The following SOX5 variants were observed in gnomAD, a reference collection of about 807,000 sequenced individuals.
SOX5 encodes the protein SRY-box transcription factor 5.
In SOX5, 9 loss-of-function variants were observed where a neutral mutation model predicts 92.0. That is an observed-to-expected ratio of 0.10 (90% CI 0.06 to 0.17). The LOEUF is 0.17. SOX5 is among the 10% of genes least tolerant of loss of function. SOX5 has a pLI of 1.00. For synonymous variants in SOX5, 344 were observed against 336.3 expected (o/e 1.02, Z -0.25); for missense variants, 642 against 944.5 (o/e 0.68, Z 4.20).
intron 3 of SOX5, among the ~76,000 whole-genome samples, chr12:24,276,497 C>A (rs1944448392): frequency 6.6e-6 from 1 of 152,122 alleles, no homozygotes; most frequent in South Asian, 2.1e-4. Flanking sequence ...CCCTTTCAAT[C>A]TTACTGGTGA....
chr12:24,186,956 G>A (rs997148938), intron 4 of SOX5, among the ~76,000 whole-genome samples: 4 of 151,688 alleles, frequency 2.6e-5, no homozygotes, highest in Admixed American at 2.6e-4. Context: ...AGTAAAAGTA[G>A]GTGAAAATGT....
At chr12:24,112,695 A>AT (rs907495099) in intron 4 of SOX5, among the ~76,000 whole-genome samples, 3 of 148,290 alleles carry the variant, frequency 2.0e-5, no homozygotes, top group Middle Eastern at 3.4e-3. Flanking sequence ...TGCCCAGCTA[A>AT]TTTTTTTTTT....
intron 2 of SOX5, among the ~76,000 whole-genome samples, chr12:24,321,702 G>A (rs901840381): frequency 6.6e-6 from 1 of 152,098 alleles, no homozygotes; most frequent in Non-Finnish European, 1.5e-5. Flanking sequence ...TATATTTAGT[G>A]TTAATATTTT....
chr12:24,086,071 G>A (rs1479911197), intron 4 of SOX5, among the ~76,000 whole-genome samples: 3 of 151,868 alleles, frequency 2.0e-5, no homozygotes, highest in Admixed American at 6.6e-5. Context: ...TTTCTTTTGC[G>A]TGGTTAAGAA....
rs1450527781 is a variant in SOX5 at position 24,007,186 on chromosome 12, T to C, written c.-1-111162A>G. On this transcript the variant is annotated intron_variant, in intron 4 of 4. Transcript: ENST00000446891. ...ACATTTATATATGTATTTATATATA[T>C]AAATGTATATAAATGTATTTATATA... Among the ~76,000 whole-genome samples the C allele has an allele frequency of 3.3e-4, 22 of 66,130 alleles. 1 individual carries two copies. The highest frequency in any genetic ancestry group is 6.7e-4 in the Non-Finnish European group (22 of 32,980). The allele number at this position is 66,130 out of a possible 152,430, so 43.4% of individuals were successfully genotyped here. A position where few individuals can be genotyped will look rare whatever the true frequency, so the allele number is the denominator to read the frequency against.
intron 4 of SOX5, among the ~76,000 whole-genome samples, chr12:23,971,528 A>G (rs1005406927): frequency 5.4e-5 from 8 of 146,792 alleles, no homozygotes; most frequent in Middle Eastern, 3.7e-3. Flanking sequence ...CTTCCACTTC[A>G]GAATATATAT....
At chr12:23,703,737 C>CACACACACAG (rs1024728670) in intron 6 of SOX5, among the ~76,000 whole-genome samples, 3 of 151,656 alleles carry the variant, frequency 2.0e-5, no homozygotes, top group African/African-American at 7.3e-5. Context: ...GACACACACA[C>CACACACACAG]ACACACACAC....
chr12:24,480,099 C>T (rs1345138240), intron 1 of SOX5, among the ~76,000 whole-genome samples: 2 of 152,106 alleles, frequency 1.3e-5, no homozygotes, highest in Non-Finnish European at 2.9e-5. Flanking sequence ...TACCCAGAAA[C>T]AAATCCACAC....
intron 6 of SOX5, among the ~76,000 whole-genome samples, chr12:23,667,050 G>A (rs931458076): frequency 6.6e-6 from 1 of 152,002 alleles, no homozygotes; most frequent in Non-Finnish European, 1.5e-5. Context: ...TGGTGAGTGT[G>A]GGGGGCAGCG....
chr12:24,126,005 T>A (rs1265798510), intron 4 of SOX5, among the ~76,000 whole-genome samples: 1 of 152,146 alleles, frequency 6.6e-6, no homozygotes, highest in Non-Finnish European at 1.5e-5. Flanking sequence ...TCCTACAGGA[T>A]CTCTCCTCTG....
intron 1 of SOX5, among the ~76,000 whole-genome samples, chr12:24,421,825 G>C (rs1441300639): frequency 6.6e-6 from 1 of 152,182 alleles, no homozygotes; most frequent in Non-Finnish European, 1.5e-5. Flanking sequence ...ATCGGAATGA[G>C]TTGAAGAACA....
intron 6 of SOX5, among the ~76,000 whole-genome samples, chr12:23,693,639 C>G (rs892577743): frequency 6.6e-6 from 1 of 152,034 alleles, no homozygotes; most frequent in Non-Finnish European, 1.5e-5. Flanking sequence ...CCTGCCAGTG[C>G]TTTAGAGGTT....
intron 4 of SOX5, among the ~76,000 whole-genome samples, chr12:24,197,113 T>C (rs933469938): frequency 2.0e-5 from 3 of 152,210 alleles, no homozygotes; most frequent in African/African-American, 4.8e-5. Flanking sequence ...CATAACTAAC[T>C]GTTTGTCAAT....
intron 2 of SOX5, among the ~76,000 whole-genome samples, chr12:24,326,812 G>A (rs1565911612): frequency 3.2e-5 from 1 of 30,774 alleles, no homozygotes; most frequent in Admixed American, 4.3e-4. Context: ...ACACACACAG[G>A]TCTACCCACC....
upstream of SOX5, among the ~76,000 whole-genome samples, chr12:23,954,088 T>C (rs4246221): frequency 0.035 from 5,371 of 152,126 alleles, 474 homozygotes; most frequent in East Asian, 0.27. Context: ...TTCTACTATT[T>C]TTGTCCTCAT....
chr12:23,825,345 G>C (rs1475990876), intron 3 of SOX5, among the ~76,000 whole-genome samples: 2 of 152,154 alleles, frequency 1.3e-5, no homozygotes, highest in Non-Finnish European at 2.9e-5. Context: ...CTGACCCCTT[G>C]CAATTCCCGG....
At chr12:23,583,658 G>A (rs1950339168) in intron 9 of SOX5, among the ~76,000 whole-genome samples, 1 of 152,106 alleles carries the variant, frequency 6.6e-6, no homozygotes, top group South Asian at 2.1e-4. Flanking sequence ...CTAAAAGGAA[G>A]CATAGAGCAG....
rs183955765 is a variant in SOX5 at position 23,874,374 on chromosome 12, A to T, written c.270+21419T>A. On this transcript the variant is annotated intron_variant, in intron 2 of 14. Transcript: ENST00000451604. Reference sequence around the variant, plus strand: ...TTACTGCTGATTGTGGACTTGAGGCAATCAAGTTTAGCGACGCACCATACG... The same window carrying T: ...TTACTGCTGATTGTGGACTTGAGGCTATCAAGTTTAGCGACGCACCATACG... Among the ~76,000 whole-genome samples the T allele has an allele frequency of 2.1e-3, 327 of 152,322 alleles. 1 individual carries two copies. The highest frequency in any genetic ancestry group is 3.8e-3 in the Non-Finnish European group (256 of 68,020).
chr12:23,960,292 C>A (rs1369178881), intron 4 of SOX5, among the ~76,000 whole-genome samples: 1 of 151,690 alleles, frequency 6.6e-6, no homozygotes, highest in Non-Finnish European at 1.5e-5. Context: ...TGTTTGTGAC[C>A]TATGTAAAGT....
Sources: allele counts gnomAD v4.1 joint callset (sites outside exome capture counted in the v4.1 genomes callset), GRCh38; gene constraint gnomAD v4.1.1; transcripts MANE v1.5; gene names NCBI Gene and HGNC (gene_info 2026-07-23, HGNC 2026-07-21).